The following NAALADL2 variants were observed in gnomAD, a reference collection of about 807,000 sequenced individuals.
NAALADL2 encodes N-acetylated alpha-linked acidic dipeptidase like 2, also known as inactive N-acetylated-alpha-linked acidic dipeptidase-like protein 2.
Under a neutral mutation model 87.2 loss-of-function variants are expected in NAALADL2, and 76 were observed. That is an observed-to-expected ratio of 0.87 (90% CI 0.72 to 1.05). The LOEUF is 1.05. NAALADL2 is among the 50% of genes least tolerant of loss of function. NAALADL2 has a pLI of 0.00. For missense variants in NAALADL2, 1,089 were observed against 945.8 expected (o/e 1.15, Z -1.99); for synonymous variants, 354 against 331.0 (o/e 1.07, Z -0.75).
intron 3 of NAALADL2, among the ~76,000 whole-genome samples, chr3:174,844,834 GGTTTTTTT>G (rs1724411119): frequency 1.3e-5 from 1 of 76,448 alleles, no homozygotes; most frequent in Admixed American, 1.2e-4. Context: ...TAGTTCTAAT[GGTTTTTTT>G]TTTTTTTTTT....
intron 2 of NAALADL2, among the ~76,000 whole-genome samples, chr3:175,121,160 G>C (rs376365698): frequency 1.3e-5 from 2 of 151,802 alleles, no homozygotes; most frequent in Admixed American, 1.3e-4. Flanking sequence ...CTATAACAAG[G>C]AATAGAAATT....
intron 2 of NAALADL2, among the ~76,000 whole-genome samples, chr3:175,110,732 C>G (rs1724046985): frequency 6.6e-6 from 1 of 151,634 alleles, no homozygotes; most frequent in Non-Finnish European, 1.5e-5. Context: ...AACCTATAAG[C>G]AGAAAGATAA....
At chr3:175,450,982 T>C (rs1721477742) in intron 6 of NAALADL2, among the ~76,000 whole-genome samples, 2 of 151,514 alleles carry the variant, frequency 1.3e-5, no homozygotes, top group Admixed American at 1.3e-4. Context: ...TAGGAAGGGG[T>C]CAGATGAGTA....
At chr3:175,066,471 G>T (rs528460909) in intron 1 of NAALADL2, among the ~76,000 whole-genome samples, 1 of 152,178 alleles carries the variant, frequency 6.6e-6, no homozygotes, top group East Asian at 1.9e-4. Context: ...CACTGAGACT[G>T]CCACAAAGTA....
chr3:175,171,656 T>G (rs373348303), intron 2 of NAALADL2, among the ~76,000 whole-genome samples: 1 of 152,150 alleles, frequency 6.6e-6, no homozygotes, highest in East Asian at 1.9e-4. Context: ...TACATTACTA[T>G]ATCTATATAA....
chr3:175,422,719 A>G (rs751917305), intron 5 of NAALADL2, among the ~76,000 whole-genome samples: 2 of 152,072 alleles, frequency 1.3e-5, no homozygotes, highest in Non-Finnish European at 2.9e-5. Flanking sequence ...AACACATTGC[A>G]TACATTTTCT....
intron 10 of NAALADL2, among the ~76,000 whole-genome samples, chr3:175,600,814 G>C (rs1358683312): frequency 6.6e-6 from 1 of 152,098 alleles, no homozygotes; most frequent in Non-Finnish European, 1.5e-5. Context: ...TGGGATTACA[G>C]GCGTGAGCCA....
chr3:175,669,270 T>C (rs1733615279), intron 11 of NAALADL2, among the ~76,000 whole-genome samples: 1 of 152,114 alleles, frequency 6.6e-6, no homozygotes, highest in Non-Finnish European at 1.5e-5. Flanking sequence ...TGAAGTCATG[T>C]GACAATCTAT....
chr3:174,894,594 C>CAAAAAAAAAAAAAAAAAAAAAAAAAAA lies in NAALADL2; in HGVS notation c.43+35167_43+35193dup, dbSNP rs869161862. Among the ~76,000 whole-genome samples, 5 of 48,474 alleles carry CAAAAAAAAAAAAAAAAAAAAAAAAAAA rather than the reference C, an allele frequency of 1.0e-4. 1 individual carries two copies. Among genetic ancestry groups the CAAAAAAAAAAAAAAAAAAAAAAAAAAA allele is most frequent in the African/African-American group, 2.2e-4 (2 of 9,094 alleles). 31.8% of individuals were successfully genotyped at this position (48,474 alleles called of 152,430 possible). ...GGGCAAAAAGAGTGAAACTCCGTCT[C>CAAAAAAAAAAAAAAAAAAAAAAAAAAA]AAAAAAAAAAAAAAAAAAAAAAAAA... On this transcript the variant is annotated intron_variant, in intron 1 of 13. Coordinates refer to ENST00000454872, the MANE Select transcript of NAALADL2 (RefSeq NM_207015.3).
At chr3:174,891,030 A>G (rs2109790548) in intron 1 of NAALADL2, among the ~76,000 whole-genome samples, 1 of 152,284 alleles carries the variant, frequency 6.6e-6, no homozygotes, top group East Asian at 1.9e-4. Flanking sequence ...GAAAAATACT[A>G]GTAAATAGAA....
intron 1 of NAALADL2, among the ~76,000 whole-genome samples, chr3:174,903,393 T>A (rs1732538823): frequency 6.6e-6 from 1 of 152,022 alleles, no homozygotes; most frequent in East Asian, 1.9e-4. Context: ...TTTGCTAGTG[T>A]TTTAGCTTAC....
chr3:174,503,203 A>G (rs1167260846), intron 1 of NAALADL2, among the ~76,000 whole-genome samples: 1 of 152,190 alleles, frequency 6.6e-6, no homozygotes, highest in Non-Finnish European at 1.5e-5. Context: ...CATATAGGAC[A>G]TGAGACAGTA....
intron 2 of NAALADL2, among the ~76,000 whole-genome samples, chr3:175,117,504 A>G (rs113230075): frequency 2.6e-5 from 4 of 152,074 alleles, no homozygotes; most frequent in African/African-American, 9.7e-5. Context: ...CAACAGACAC[A>G]TGAAAAAATG....
intron 2 of NAALADL2, among the ~76,000 whole-genome samples, chr3:174,696,583 T>G: frequency 7.9e-6 from 1 of 126,410 alleles, no homozygotes; most frequent in Admixed American, 9.1e-5. Flanking sequence ...GTCAGGCAGG[T>G]GTAGTTATCT....
chr3:174,593,662 A>T (rs2108592210), intron 2 of NAALADL2, among the ~76,000 whole-genome samples: 1 of 152,286 alleles, frequency 6.6e-6, no homozygotes. Flanking sequence ...TAATTATAAC[A>T]CTCAAATTCT....
intron 11 of NAALADL2, among the ~76,000 whole-genome samples, chr3:175,712,429 T>G (rs993207805): frequency 1.3e-5 from 2 of 151,988 alleles, no homozygotes; most frequent in African/African-American, 4.8e-5. Flanking sequence ...AATCTTGGAA[T>G]GAGACAAGAA....
chr3:175,148,807 CTT>C (rs1323968846), intron 2 of NAALADL2, among the ~76,000 whole-genome samples: 1 of 152,040 alleles, frequency 6.6e-6, no homozygotes, highest in African/African-American at 2.4e-5. Flanking sequence ...CTATGTGTCT[CTT>C]TTTGTACCAG....
chr3:174,473,198 C>T (rs546565537), intron 1 of NAALADL2, among the ~76,000 whole-genome samples: 14 of 152,170 alleles, frequency 9.2e-5, no homozygotes, highest in African/African-American at 2.9e-4. Context: ...TCTTTTTTAT[C>T]CCCAACTCCT....
intron 9 of NAALADL2, among the ~76,000 whole-genome samples, chr3:175,486,692 C>A (rs562214754): frequency 6.6e-6 from 1 of 152,070 alleles, no homozygotes; most frequent in South Asian, 2.1e-4. Context: ...GATTTAGAAA[C>A]GATATGAGTG....
Sources: gnomAD v4.1 joint callset for allele counts (sites outside exome capture counted in the v4.1 genomes callset) on GRCh38, gnomAD v4.1.1 for gene constraint, MANE v1.5 for transcripts, NCBI Gene and HGNC (gene_info 2026-07-23, HGNC 2026-07-21) for gene names.